Variants in ITIH2 observed in about 807,000 individuals in gnomAD.
ITIH2 encodes inter-alpha-trypsin inhibitor heavy chain H2.
ITIH2 carries 103 observed loss-of-function variants against 104.4 expected under a neutral mutation model. The observed-to-expected ratio is 0.99, with a 90% CI of 0.84 to 1.16. The LOEUF is 1.16. Among genes scored for constraint, ITIH2 ranks in the 50% most tolerant of loss-of-function variants. The pLI, the probability that ITIH2 is intolerant of heterozygous loss-of-function variation, is 0.00. For missense variants in ITIH2, 1,108 were observed against 1,162.4 expected (o/e 0.95, Z 0.68); for synonymous variants, 436 against 435.4 (o/e 1.00, Z -0.02).
At chr10:7,733,296 A>T (rs147933317) in intron 14 of ITIH2, among the ~76,000 whole-genome samples, 4 of 151,712 alleles carry the variant, frequency 2.6e-5, no homozygotes, top group African/African-American at 9.7e-5. Flanking sequence ...TGTATCAGGC[A>T]TGTATTTGCA....
chr10:7,746,260 A>C (rs544405342), intron 19 of ITIH2, among the ~76,000 whole-genome samples: 1 of 151,094 alleles, frequency 6.6e-6, no homozygotes, highest in Non-Finnish European at 1.5e-5. Flanking sequence ...CTGTGGTCCC[A>C]GCTACTTGGG....
rs1564302521 is a variant in ITIH2, at chr10:7,726,931, T to G, written c.985-19T>G. ...AGATTTTCTGTAATGGGACCTGTCT[T>G]TATTCTCTATTGAAATAGACTGTGG... On this transcript the variant is annotated intron_variant, in intron 9 of 20. Coordinates refer to ENST00000358415, the MANE Select transcript of ITIH2 (RefSeq NM_002216.3). The G allele has an allele frequency of 6.3e-7, 1 of 1,578,426 alleles. No individual in the cohort carries two copies. The highest frequency in any genetic ancestry group is 8.6e-7 in the Non-Finnish European group (1 of 1,160,098).
At chr10:7,709,828 T>C (rs150360934) in intron 4 of ITIH2, among the ~76,000 whole-genome samples, 102 of 152,314 alleles carry the variant, frequency 6.7e-4, no homozygotes, top group African/African-American at 2.3e-3. Flanking sequence ...GAAGTGTTCA[T>C]AGATGAAATG....
rs1406404459 is a variant in ITIH2, at chr10:7,746,697, A to T, written c.2686A>T (p.Ile896Phe). Residue 896 changes from isoleucine (I) to phenylalanine (F), a missense_variant, in exon 20 of 21, where the codon ATC (isoleucine) becomes TTC (phenylalanine). Physicochemically the swap from Ile to Phe is conservative, Grantham distance 21 (BLOSUM62 0). Coordinates refer to ENST00000358415, the MANE Select transcript of ITIH2 (RefSeq NM_002216.3). The stretch of plus-strand genomic sequence containing the variant: ...GGAAGTGAAGGGGCAGAAGCTGATC[A>T]TCACCAGGTAGGCCTCGGGCGTAAG... Reference protein sequence around the residue: ...SMEVKGQKLIITRGLQKDYRT... With the variant: ...SMEVKGQKLIFTRGLQKDYRT... The T allele has an allele frequency of 6.2e-7, 1 of 1,608,270 alleles. No homozygotes were observed. Among genetic ancestry groups the T allele is most frequent in the Non-Finnish European group, 8.5e-7 (1 of 1,174,854 alleles).
Position 7,735,005 on chromosome 10 carries a change from C to T in ITIH2, c.1871C>T (p.Pro624Leu), listed in dbSNP as rs202031792. 971 of 1,613,814 alleles carry T rather than the reference C, an allele frequency of 6.0e-4. 1 individual carries two copies. The highest frequency in any genetic ancestry group is 7.8e-4 in the Non-Finnish European group (926 of 1,180,008). Residue 624 changes from proline to leucine, a missense_variant, in exon 15 of 21, where the codon CCG (proline) becomes CTG (leucine). Pro to Leu is a moderately conservative substitution (Grantham distance 98). Transcript: ENST00000358415. ...QMSLDHHIVT[P>L]LTSLVIENEA... ...TCTCTAGACCACCACATTGTGACTCCGCTGACCTCGCTGGTGATCGAGAAC... is the reference window on the plus strand; with the variant it reads ...TCTCTAGACCACCACATTGTGACTCTGCTGACCTCGCTGGTGATCGAGAAC...
rs553454623 is a variant in ITIH2 at position 7,732,379 on chromosome 10, C to G, written c.1689C>G (p.Asp563Glu). 3 of 1,614,034 alleles carry G rather than the reference C, an allele frequency of 1.9e-6. No individual in the cohort carries two copies. Among genetic ancestry groups the G allele is most frequent in the Non-Finnish European group, 2.5e-6 (3 of 1,179,944 alleles). The change falls in exon 14 of 21, where the codon GAC (aspartate) becomes GAG (glutamate). Residue 563 changes from aspartate to glutamate, a missense_variant. Coordinates refer to ENST00000358415, the MANE Select transcript of ITIH2 (RefSeq NM_002216.3). Reference sequence around the variant, plus strand: ...TCTTGGAGACCCTGGCCCAGATGGACGACTTGCAGGATTTTCTATCGAAAG... The same window carrying G: ...TCTTGGAGACCCTGGCCCAGATGGAGGACTTGCAGGATTTTCTATCGAAAG... ...QLVLETLAQM[D>E]DLQDFLSKDK...
At position 7,735,000 on chromosome 10, in the gene ITIH2, G is replaced by A. The variant is rs531527419; in HGVS notation, c.1866G>A (p.Val622=). ...AGATGTCTCTAGACCACCACATTGT[G>A]ACTCCGCTGACCTCGCTGGTGATCG... is the stretch of plus-strand genomic sequence containing the variant. ...ILQMSLDHHI[V]TPLTSLVIEN... Residue 622 remains valine, a synonymous_variant, in exon 15 of 21, where the codon GTG becomes GTA. Transcript: ENST00000358415. 6.2e-7 allele frequency: 1 copy of A among 1,613,876 alleles called. No homozygotes were observed. The highest frequency in any genetic ancestry group is 1.3e-5 in the African/African-American group (1 of 75,080).
intron 6 of ITIH2, 72 bp downstream of exon 6, chr10:7,717,860 G>C: frequency 7.0e-7 from 1 of 1,436,026 alleles, no homozygotes; most frequent in Non-Finnish European, 9.6e-7. Context: ...TATACTTTCT[G>C]CTTGTCACTA....
chr10:7,729,639 C>G (rs184674280), intron 11 of ITIH2, among the ~76,000 whole-genome samples: 3 of 152,028 alleles, frequency 2.0e-5, no homozygotes, highest in Admixed American at 1.3e-4. Context: ...TTTCCATGTC[C>G]TTTTTAATAG....
chr10:7,723,600 G>A (rs763823997), intron 9 of ITIH2, 33 bp downstream of exon 9: 19 of 1,288,878 alleles, frequency 1.5e-5, no homozygotes, highest in African/African-American at 2.9e-5. Flanking sequence ...TGGTTGGGGG[G>A]ATTCCCTATC....
intron 3 of ITIH2, 144 bp downstream of exon 3, chr10:7,707,377 T>A (rs1416706009): frequency 1.6e-6 from 1 of 636,576 alleles, no homozygotes; most frequent in Non-Finnish European, 2.8e-6. Context: ...TTTGCAAGTG[T>A]TTCTAAAATT....
chr10:7,736,687 T>G (rs559254930), intron 15 of ITIH2, among the ~76,000 whole-genome samples: 11 of 152,166 alleles, frequency 7.2e-5, no homozygotes, highest in African/African-American at 2.2e-4. Context: ...AAAACTGGAG[T>G]GGAAATAATC....
intron 1 of ITIH2, 139 bp from the exon 2 acceptor site, chr10:7,704,969 T>G: frequency 1.8e-6 from 1 of 553,326 alleles, no homozygotes; most frequent in Non-Finnish European, 3.2e-6. Flanking sequence ...ATACCTGACG[T>G]AAATGATGAG....
Position 7,713,324 on chromosome 10 carries a change from A to T in ITIH2, c.467+39A>T, listed in dbSNP as rs150203233. 2.7e-6 allele frequency: 4 copies of T among 1,505,114 alleles called. No homozygotes were observed. The African/African-American group carries it at 5.5e-5, about 21-fold the overall frequency. 93.2% of individuals were successfully genotyped at this position (1,505,114 alleles called of 1,614,324 possible). On this transcript the variant is annotated intron_variant, in intron 5 of 20. Coordinates refer to ENST00000358415, the MANE Select transcript of ITIH2 (RefSeq NM_002216.3). ...GAGCAAGGCTTGCCCTTGCCTCTCA[A>T]TGACGGTTTCCTCTCCTACTTCCTT...
At chr10:7,718,026 A>G (rs546355849) in intron 6 of ITIH2, among the ~76,000 whole-genome samples, 2 of 152,242 alleles carry the variant, frequency 1.3e-5, no homozygotes, top group Admixed American at 6.5e-5. Flanking sequence ...AACAAGTTAC[A>G]GCAAACGCCA....
chr10:7,729,795 T>C, intron 11 of ITIH2, 157 bp from the exon 12 acceptor site: 1 of 529,506 alleles, frequency 1.9e-6, no homozygotes. Context: ...CATGTACGAG[T>C]GCATCTCTAA....
chr10:7,708,768 A>T (rs926093915), intron 3 of ITIH2, among the ~76,000 whole-genome samples: 1 of 152,084 alleles, frequency 6.6e-6, no homozygotes, highest in Non-Finnish European at 1.5e-5. Flanking sequence ...ATCATTATTT[A>T]TAGACTCATA....
rs1370881448 is a variant in ITIH2 at position 7,748,175 on chromosome 10, C to G, written c.2694-1012C>G. The stretch of plus-strand genomic sequence containing the variant: ...AGTGAGCAGAGATAGCACCACTGCA[C>G]TCCAGCCTGACTCCATCTCATAAAA... On this transcript the variant is annotated intron_variant, in intron 20 of 20. Transcript: ENST00000358415. 2.0e-5 allele frequency among the ~76,000 whole-genome samples: 3 copies of G among 150,236 alleles called. No homozygotes were observed. The Admixed American group carries it at 2.0e-4, about 10-fold the overall frequency.
intron 9 of ITIH2, among the ~76,000 whole-genome samples, chr10:7,726,260 G>A (rs1834950743): frequency 6.6e-6 from 1 of 152,150 alleles, no homozygotes. Flanking sequence ...GTAGAAGGGT[G>A]AGAAATAACA....
Sources: allele counts gnomAD v4.1 joint callset (sites outside exome capture counted in the v4.1 genomes callset), GRCh38; gene constraint gnomAD v4.1.1; transcripts MANE v1.5; gene names NCBI Gene and HGNC (gene_info 2026-07-23, HGNC 2026-07-21).